DOCK1: variants seen among roughly 807,000 people sequenced by gnomAD.
The protein encoded by DOCK1 is dedicator of cytokinesis 1, also known as dedicator of cytokinesis protein 1.
In DOCK1, 138 loss-of-function variants were observed where a neutral mutation model predicts 262.7. That is an observed-to-expected ratio of 0.53 (90% CI 0.46 to 0.61). The LOEUF is 0.61. Ranked by LOEUF, DOCK1 falls within the 20% of genes least tolerant of loss-of-function variation. DOCK1 has a pLI of 0.00. For missense variants in DOCK1, 1,908 were observed against 2,370.7 expected, an observed-to-expected ratio of 0.80 and a Z score of 4.05; for synonymous variants, 866 against 867.4, an observed-to-expected ratio of 1.00 and a Z score of 0.03.
At chr10:127,139,496 T>C (rs925249902) in intron 27 of DOCK1, among the ~76,000 whole-genome samples, 4 of 152,202 alleles carry the variant, frequency 2.6e-5, no homozygotes, top group Non-Finnish European at 5.9e-5. Flanking sequence ...AGTTATGCTC[T>C]AATTTATAGG....
At position 127,435,479 on chromosome 10, in the gene DOCK1, A is replaced by T. The variant is rs76132593; in HGVS notation, c.5060+2051A>T. On this transcript the variant is annotated intron_variant, in intron 48 of 51. Coordinates refer to ENST00000623213, the MANE Select transcript of DOCK1 (RefSeq NM_001290223.2). ...ATTTTTATCAGCGTCTGATATTTAT[A>T]AGGCCAAGTCCATATGGAAATTCTC... is the stretch of plus-strand genomic sequence containing the variant. Among the ~76,000 whole-genome samples, 770 of 152,342 alleles carry T rather than the reference A, an allele frequency of 5.1e-3. 7 individuals are homozygous for T. The highest frequency in any genetic ancestry group is 0.017 in the African/African-American group (725 of 41,562).
At chr10:126,992,789 G>GAC (rs142022750) in intron 6 of DOCK1, among the ~76,000 whole-genome samples, 35,076 of 147,288 alleles carry the variant, frequency 0.24, 4,513 homozygotes, top group South Asian at 0.39. Flanking sequence ...CACACACACA[G>GAC]ACACACACAC....
In DOCK1 at chr10:127,437,239, A is replaced by G. The variant is rs1201396922; in HGVS notation, c.5061-1788A>G. On this transcript the variant is annotated intron_variant, in intron 48 of 51. Transcript: ENST00000623213. This position sits in a 1 kb window ranked among gnomAD's most constrained non-coding sequence, Gnocchi z 4.4. Reference sequence around the variant, plus strand: ...ATAATCAGTGCTTAGATTCAATACCATTATTGTTTACATAGTGACCTGCAG... The same window carrying G: ...ATAATCAGTGCTTAGATTCAATACCGTTATTGTTTACATAGTGACCTGCAG... Among the ~76,000 whole-genome samples, 2 of 152,160 alleles carry G rather than the reference A, an allele frequency of 1.3e-5. No homozygotes were observed. The highest frequency in any genetic ancestry group is 2.9e-5 in the Non-Finnish European group (2 of 68,042).
At chr10:127,031,564 A>G in intron 16 of DOCK1, 86 bp from the exon 17 acceptor site, 1 of 1,033,346 alleles carries the variant, frequency 9.7e-7, no homozygotes, top group South Asian at 1.5e-5. Context: ...TTGTTTTCAT[A>G]AAGGTAGCCT....
intron 46 of DOCK1, among the ~76,000 whole-genome samples, chr10:127,424,769 C>T (rs1255187237): frequency 2.6e-5 from 4 of 152,166 alleles, no homozygotes; most frequent in Admixed American, 6.5e-5. Flanking sequence ...GCTGTCCTTT[C>T]GGTGATAACT....
intron 12 of DOCK1, among the ~76,000 whole-genome samples, chr10:127,017,322 C>CAT (rs575584497): frequency 4.7e-4 from 62 of 131,496 alleles, no homozygotes; most frequent in East Asian, 1.3e-3. Flanking sequence ...CGCACACAGA[C>CAT]ATATATATAT....
rs376504686 is a variant in DOCK1 at position 127,012,264 on chromosome 10, C to T, written c.1091C>T (p.Pro364Leu). The T allele has an allele frequency of 7.4e-6, 12 of 1,611,872 alleles. No homozygotes were observed. Among genetic ancestry groups the T allele is most frequent in the African/African-American group, 2.7e-5 (2 of 74,876 alleles). The change falls in exon 12 of 52, where the codon CCG becomes CTG. Residue 364 changes from proline to leucine, a missense_variant. Pro to Leu is a moderately conservative substitution (Grantham distance 98). This residue lies in a region of DOCK1 where 57 missense variants were observed against 39.7 expected (regional missense o/e 1.44). Coordinates refer to ENST00000623213, the MANE Select transcript of DOCK1 (RefSeq NM_001290223.2). The surrounding 1 kb of genome is among the most constrained non-coding windows in gnomAD (Gnocchi z 4.0). Reference sequence around the variant, plus strand: ...TTGGACGACGCCATTCGACACAAGCCGCTGAACATGTCATCCCGTTTTTCA... The same window carrying T: ...TTGGACGACGCCATTCGACACAAGCTGCTGAACATGTCATCCCGTTTTTCA... ...LALDDAIRHK[P>L]LNMSSRFSPR... is the part of the protein sequence containing the mutation.
chr10:127,248,209 A>T (rs1041652788), intron 28 of DOCK1, 100 bp downstream of exon 28: 13 of 1,056,684 alleles, frequency 1.2e-5, no homozygotes, highest in Non-Finnish European at 1.5e-5. Flanking sequence ...AGGATTTTGC[A>T]TGAGAACTTG....
At position 126,995,260 on chromosome 10, in the gene DOCK1, A is replaced by G. The variant is rs1177968323; in HGVS notation, c.474-1488A>G. Among the ~76,000 whole-genome samples the G allele has an allele frequency of 3.3e-5, 5 of 152,164 alleles. No individual in the cohort carries two copies. The East Asian group carries it at 7.7e-4, about 23-fold the overall frequency. The stretch of plus-strand genomic sequence containing the variant: ...GGGTGGCGGCCGGGCAGAGGCTGCA[A>G]TCTCGGCACTTTGGGAGGCCAAGGC... On this transcript the variant is annotated intron_variant, in intron 6 of 51. Transcript: ENST00000623213. This position sits in a 1 kb window ranked among gnomAD's most constrained non-coding sequence, Gnocchi z 5.8.
At chr10:127,033,721 C>A (rs940646257) in intron 18 of DOCK1, among the ~76,000 whole-genome samples, 1 of 152,156 alleles carries the variant, frequency 6.6e-6, no homozygotes, top group African/African-American at 2.4e-5. Context: ...AAACACAGGA[C>A]AAAAGTAAAG....
At chr10:127,254,912 A>G (rs2059777479) in intron 28 of DOCK1, among the ~76,000 whole-genome samples, 1 of 152,224 alleles carries the variant, frequency 6.6e-6, no homozygotes, top group Non-Finnish European at 1.5e-5. Flanking sequence ...AAGGACAAGG[A>G]TGGACCTAAG....
At chr10:127,394,001 G>A (rs2066662349) in intron 38 of DOCK1, among the ~76,000 whole-genome samples, 1 of 152,032 alleles carries the variant, frequency 6.6e-6, no homozygotes, top group Admixed American at 6.6e-5. Context: ...CTTTTCTGAA[G>A]ATGCTCTGAA....
At chr10:126,990,673 GAGACCA>G in intron 6 of DOCK1, 70 bp downstream of exon 6, 6 of 1,511,578 alleles carry the variant, frequency 4.0e-6, no homozygotes, top group Non-Finnish European at 5.3e-6. Flanking sequence ...AAGTCTTCAG[GAGACCA>G]AGATCATATT....
intron 40 of DOCK1, among the ~76,000 whole-genome samples, chr10:127,407,912 C>T (rs938692089): frequency 1.3e-5 from 2 of 152,178 alleles, no homozygotes; most frequent in Non-Finnish European, 1.5e-5. Context: ...GTTTTCATTT[C>T]GGTTGAGACA....
At chr10:127,104,090 A>G (rs1592041399) in intron 23 of DOCK1, among the ~76,000 whole-genome samples, 1 of 152,238 alleles carries the variant, frequency 6.6e-6, no homozygotes, top group East Asian at 1.9e-4. Context: ...TTGCCTCTTC[A>G]TCTCTTTTGC....
chr10:127,057,808 T>C (rs1325583217), intron 22 of DOCK1, among the ~76,000 whole-genome samples: 3 of 152,244 alleles, frequency 2.0e-5, no homozygotes, highest in Non-Finnish European at 4.4e-5. Context: ...TAATTAGTTA[T>C]TGATCATGAA....
At chr10:127,186,123 A>C (rs1192604473) in intron 27 of DOCK1, among the ~76,000 whole-genome samples, 1 of 152,104 alleles carries the variant, frequency 6.6e-6, no homozygotes, top group African/African-American at 2.4e-5. Context: ...TTTCAGAGGG[A>C]AAAAAACAAT....
chr10:127,416,848 G>C (rs1450032390), intron 44 of DOCK1, among the ~76,000 whole-genome samples: 1 of 152,176 alleles, frequency 6.6e-6, no homozygotes, highest in Non-Finnish European at 1.5e-5. Flanking sequence ...GTGGGGTCAG[G>C]ACAGCATGGC....
At chr10:127,209,932 A>AT (rs1409925139) in intron 27 of DOCK1, among the ~76,000 whole-genome samples, 83 of 152,174 alleles carry the variant, frequency 5.5e-4, no homozygotes, top group Admixed American at 5.4e-3. Context: ...TTTTAATTTT[A>AT]TTCACCTTAG....
Sources: gnomAD v4.1 joint callset for allele counts (sites outside exome capture counted in the v4.1 genomes callset) on GRCh38, gnomAD v4.1.1 for gene constraint, gnomAD v4.1.1 regional missense constraint, Gnocchi (gnomAD v3.1) non-coding constraint, MANE v1.5 for transcripts, NCBI Gene and HGNC (gene_info 2026-07-23, HGNC 2026-07-21) for gene names.